CHIC2: variants seen among roughly 807,000 people sequenced by gnomAD.
The protein encoded by CHIC2 is cysteine rich hydrophobic domain 2, also known as cysteine-rich hydrophobic domain-containing protein 2.
In CHIC2, 14 loss-of-function variants were observed where a neutral mutation model predicts 25.9. The ratio of observed to expected loss-of-function variants is 0.54; its 90% confidence interval spans 0.36 to 0.85. The LOEUF (loss-of-function observed/expected upper bound fraction) is 0.85, where lower values mean the gene tolerates loss of function less well. Among genes scored for constraint, CHIC2 ranks in the 40% least tolerant of loss-of-function variants. The probability of loss-of-function intolerance (pLI) is 0.01; values close to 1 mark genes in which losing one functional copy is unlikely to be tolerated. For missense variants in CHIC2, 146 were observed against 202.0 expected (o/e 0.72, Z 1.68); for synonymous variants, 70 against 72.0 (o/e 0.97, Z 0.14).
At chr4:54,017,597 C>G (rs1375862723) in intron 3 of CHIC2, among the ~76,000 whole-genome samples, 1 of 152,170 alleles carries the variant, frequency 6.6e-6, no homozygotes, top group Non-Finnish European at 1.5e-5. Flanking sequence ...CAATGTAATT[C>G]TCCGTCTTTC....
chr4:54,018,012 T>C (rs1202200881), intron 3 of CHIC2, among the ~76,000 whole-genome samples: 1 of 152,164 alleles, frequency 6.6e-6, no homozygotes, highest in Non-Finnish European at 1.5e-5. Flanking sequence ...GAGCAACAAG[T>C]AGTAGTAACA....
At chr4:54,091,330 C>T in the CHIC2 span, among the ~76,000 whole-genome samples, 1 of 152,192 alleles carries the variant, frequency 6.6e-6, no homozygotes, top group Non-Finnish European at 1.5e-5. Flanking sequence ...CCGTAGCGCA[C>T]CCCACCAAGA....
At chr4:54,025,254 T>C (rs531500857) in intron 3 of CHIC2, among the ~76,000 whole-genome samples, 21 of 152,116 alleles carry the variant, frequency 1.4e-4, no homozygotes, top group Non-Finnish European at 2.1e-4. Context: ...CACTGTGATG[T>C]TTCTGCCCCA....
the CHIC2 span, among the ~76,000 whole-genome samples, chr4:54,070,381 A>ATTATTTAT: frequency 6.5e-4 from 98 of 150,102 alleles, no homozygotes; most frequent in Non-Finnish European, 8.8e-4. Flanking sequence ...GTGCATTTTT[A>ATTATTTAT]TTATTTATTT....
At chr4:54,012,853 G>C (rs1464471789) in intron 5 of CHIC2, among the ~76,000 whole-genome samples, 2 of 152,052 alleles carry the variant, frequency 1.3e-5, no homozygotes, top group African/African-American at 4.8e-5. Flanking sequence ...GCTAGAAATA[G>C]GATTTGACTG....
chr4:54,053,838 T>C (rs138738751), intron 1 of CHIC2, among the ~76,000 whole-genome samples: 190 of 152,318 alleles, frequency 1.2e-3, no homozygotes, highest in African/African-American at 4.3e-3. Context: ...TTGTTCAGGC[T>C]GGAGTGCGGT....
intron 3 of CHIC2, among the ~76,000 whole-genome samples, chr4:54,037,810 T>C (rs1716441090): frequency 1.3e-5 from 2 of 151,962 alleles, no homozygotes; most frequent in African/African-American, 4.8e-5. Flanking sequence ...TGATAATCCA[T>C]GACTCAGAGA....
At chr4:54,061,849 GCACATA>G (rs1717341645) in intron 1 of CHIC2, among the ~76,000 whole-genome samples, 1 of 152,114 alleles carries the variant, frequency 6.6e-6, no homozygotes, top group Non-Finnish European at 1.5e-5. Flanking sequence ...AGTAATTTAA[GCACATA>G]CACATTGCTT....
At chr4:54,011,145 G>T (rs1159814364) in intron 5 of CHIC2, among the ~76,000 whole-genome samples, 2 of 152,102 alleles carry the variant, frequency 1.3e-5, no homozygotes, top group African/African-American at 2.4e-5. Context: ...TTCAGAAACT[G>T]TGTCTTGCTT....
chr4:54,080,942 G>GTATATATATATATATA, the CHIC2 span, among the ~76,000 whole-genome samples: 8 of 101,126 alleles, frequency 7.9e-5, no homozygotes, highest in South Asian at 4.0e-4. Flanking sequence ...ATGTGTGTGT[G>GTATATATATATATATA]TATATATATA....
the CHIC2 span, among the ~76,000 whole-genome samples, chr4:54,081,733 G>A: frequency 6.6e-6 from 1 of 151,898 alleles, no homozygotes; most frequent in African/African-American, 2.4e-5. Flanking sequence ...TGTTGTTGTT[G>A]TTGTTGTTTT....
the CHIC2 span, among the ~76,000 whole-genome samples, chr4:54,090,788 G>A: frequency 1.2e-4 from 19 of 152,260 alleles, no homozygotes; most frequent in African/African-American, 4.6e-4. Flanking sequence ...TGCAGTGAAA[G>A]GGTGAGGTTG....
rs903612016 is a variant in CHIC2 at position 54,064,377 on chromosome 4, G to A, written c.-77C>T. The A allele has an allele frequency of 2.5e-6, 4 of 1,579,890 alleles. No individual in the cohort carries two copies. The highest frequency in any genetic ancestry group is 1.4e-5 in the African/African-American group (1 of 73,928). On this transcript the variant is annotated 5_prime_UTR_variant, in exon 1 of 6. Transcript: ENST00000263921. This position sits in a 1 kb window ranked among gnomAD's most constrained non-coding sequence, Gnocchi z 4.2. ...CCGGGGTACCGGCGGGCGAGGCGGC[G>A]GAGGCTGAGGGGAGTCGCCGCTGCC...
chr4:54,016,688 G>C (rs915068429), intron 3 of CHIC2, among the ~76,000 whole-genome samples: 3 of 151,970 alleles, frequency 2.0e-5, no homozygotes, highest in African/African-American at 7.2e-5. Context: ...AAAAGCACTT[G>C]CACGTGCAGC....
upstream of CHIC2, among the ~76,000 whole-genome samples, chr4:54,065,919 A>G (rs1311977552): frequency 6.6e-6 from 1 of 152,232 alleles, no homozygotes; most frequent in Non-Finnish European, 1.5e-5. Context: ...CAGTAGTTGT[A>G]TCAGACTTAT....
chr4:54,077,829 C>T, the CHIC2 span, among the ~76,000 whole-genome samples: 5 of 152,174 alleles, frequency 3.3e-5, no homozygotes, highest in East Asian at 1.9e-4. Context: ...TGTTCAAGGG[C>T]GTATCACTTG....
intron 3 of CHIC2, among the ~76,000 whole-genome samples, chr4:54,046,733 G>A (rs978932806): frequency 2.0e-5 from 3 of 152,172 alleles, no homozygotes; most frequent in African/African-American, 7.2e-5. Flanking sequence ...CAGGACATAG[G>A]CATGGGCAAG....
intron 3 of CHIC2, among the ~76,000 whole-genome samples, chr4:54,033,580 T>C (rs1716297606): frequency 6.6e-6 from 1 of 152,210 alleles, no homozygotes. Flanking sequence ...GCTAATGTTA[T>C]ACCTAGTAAT....
chr4:54,032,979 CG>C (rs764680060), intron 3 of CHIC2, among the ~76,000 whole-genome samples: 3 of 152,214 alleles, frequency 2.0e-5, no homozygotes, highest in South Asian at 2.1e-4. Flanking sequence ...TCTCAAGATC[CG>C]GTTTTTTAAA....
Sources: allele counts gnomAD v4.1 joint callset (sites outside exome capture counted in the v4.1 genomes callset), GRCh38; gene constraint gnomAD v4.1.1; non-coding constraint Gnocchi (gnomAD v3.1); transcripts MANE v1.5; gene names NCBI Gene and HGNC (gene_info 2026-07-23, HGNC 2026-07-21).